The following NBAS variants were observed in gnomAD, a reference collection of about 807,000 sequenced individuals.
NBAS encodes the protein NAG/BC035112 fusion.
In NBAS, 219 loss-of-function variants were observed where a neutral mutation model predicts 302.5. The ratio of observed to expected loss-of-function variants is 0.72; its 90% CI spans 0.65 to 0.81. The LOEUF (loss-of-function observed/expected upper bound fraction) is 0.81, where lower values mean the gene tolerates loss of function less well. NBAS is among the 30% of genes least tolerant of loss of function. The pLI, the probability that NBAS is intolerant of heterozygous loss-of-function variation, is 0.00. For synonymous variants in NBAS, 1,118 were observed against 1,021.6 expected (o/e 1.09, Z -1.80); for missense variants, 2,932 against 2,841.6 (o/e 1.03, Z -0.72).
At chr2:14,798,649 A>G in the NBAS span, among the ~76,000 whole-genome samples, 4 of 152,078 alleles carry the variant, frequency 2.6e-5, no homozygotes, top group Non-Finnish European at 5.9e-5. Context: ...CGTAGAATTG[A>G]TATTATTTTT....
At position 15,179,375 on chromosome 2, in the gene NBAS, G is replaced by T; in HGVS notation, c.6712-259C>A. On this transcript the variant is annotated intron_variant, in intron 50 of 51. Transcript: ENST00000281513. ...TTTTAATGGCTTTGTAATGCTCATTGTACAGATATAGTGGTATAATTTATT... is the reference window on the plus strand; with the variant it reads ...TTTTAATGGCTTTGTAATGCTCATTTTACAGATATAGTGGTATAATTTATT... 2.4e-5 allele frequency: 11 copies of T among 462,334 alleles called. No individual in the cohort carries two copies. The South Asian group carries it at 2.5e-4, about 11-fold the overall frequency. The allele number at this position is 462,334 out of a possible 1,614,324, so 28.6% of individuals were successfully genotyped here. A position where few individuals can be genotyped will look rare whatever the true frequency, so the allele number is the denominator to read the frequency against.
the NBAS span, among the ~76,000 whole-genome samples, chr2:14,909,289 C>T: frequency 7.0e-6 from 1 of 141,850 alleles, no homozygotes; most frequent in Non-Finnish European, 1.5e-5. Context: ...CACTGCACTC[C>T]GGCCTGGGTG....
intron 23 of NBAS, among the ~76,000 whole-genome samples, chr2:15,423,683 T>C (rs1677316922): frequency 6.6e-6 from 1 of 152,180 alleles, no homozygotes; most frequent in Non-Finnish European, 1.5e-5. Flanking sequence ...AATCATCATC[T>C]GCTAGCTAGA....
At chr2:14,858,206 T>C in the NBAS span, among the ~76,000 whole-genome samples, 4 of 152,150 alleles carry the variant, frequency 2.6e-5, no homozygotes, top group Non-Finnish European at 5.9e-5. Context: ...TTGTACACTG[T>C]TGGTGGGAAT....
the NBAS span, among the ~76,000 whole-genome samples, chr2:15,123,736 A>C: frequency 6.6e-6 from 1 of 152,170 alleles, no homozygotes; most frequent in Non-Finnish European, 1.5e-5. Context: ...CCCTCACCAG[A>C]AGCAGATCCC....
rs752710040 is a variant in NBAS at position 15,328,324 on chromosome 2, A to G, written c.4348-12T>C. ...CCACATTTTTGCCCCTAAAAAGAAA[A>G]AAAGTACAGAACAATGGATAAAAAG... On this transcript the variant is annotated splice_polypyrimidine_tract_variant and intron_variant, in intron 36 of 51. Transcript: ENST00000281513. 5 of 1,597,034 alleles carry G rather than the reference A, an allele frequency of 3.1e-6. No individual in the cohort carries two copies. The highest frequency in any genetic ancestry group is 4.3e-6 in the Non-Finnish European group (5 of 1,164,814).
At chr2:14,952,866 T>C in the NBAS span, among the ~76,000 whole-genome samples, 1 of 152,094 alleles carries the variant, frequency 6.6e-6, no homozygotes, top group African/African-American at 2.4e-5. Flanking sequence ...AGTAAAACAG[T>C]CAAGTAAGCA....
At chr2:15,026,564 G>T in the NBAS span, among the ~76,000 whole-genome samples, 2 of 150,614 alleles carry the variant, frequency 1.3e-5, no homozygotes, top group African/African-American at 4.9e-5. Flanking sequence ...AATCACATTT[G>T]TTGATTTGTG....
chr2:15,506,411 A>G (rs1661852178), intron 10 of NBAS, among the ~76,000 whole-genome samples: 1 of 152,196 alleles, frequency 6.6e-6, no homozygotes, highest in African/African-American at 2.4e-5. Context: ...CTGACTAATA[A>G]CATACGAAGG....
the NBAS span, among the ~76,000 whole-genome samples, chr2:14,945,270 G>A: frequency 6.6e-6 from 1 of 152,146 alleles, no homozygotes; most frequent in Admixed American, 6.5e-5. Context: ...CAAACAGGAG[G>A]CAGCAACCTA....
chr2:15,429,951 G>A (rs1188045743), intron 21 of NBAS, among the ~76,000 whole-genome samples: 4 of 152,124 alleles, frequency 2.6e-5, no homozygotes, highest in African/African-American at 7.2e-5. Flanking sequence ...CAAGGATGAT[G>A]ATGATTACTC....
chr2:15,355,753 C>T (rs900429722), intron 33 of NBAS, among the ~76,000 whole-genome samples: 4 of 152,198 alleles, frequency 2.6e-5, no homozygotes, highest in Non-Finnish European at 5.9e-5. Flanking sequence ...TGCTCCCACT[C>T]TGCCTTCTGC....
intron 21 of NBAS, among the ~76,000 whole-genome samples, chr2:15,443,931 G>A (rs575093393): frequency 3.1e-4 from 47 of 151,990 alleles, no homozygotes; most frequent in Non-Finnish European, 2.5e-4. Context: ...AAATACCTAG[G>A]AATCCAACTT....
the NBAS span, among the ~76,000 whole-genome samples, chr2:14,785,772 T>TA: frequency 1.3e-5 from 2 of 152,214 alleles, no homozygotes; most frequent in African/African-American, 4.8e-5. Context: ...GATATTGGTC[T>TA]AAAATTCTCT....
At chr2:15,384,271 C>A (rs1166954014) in intron 28 of NBAS, among the ~76,000 whole-genome samples, 1 of 152,286 alleles carries the variant, frequency 6.6e-6, no homozygotes, top group East Asian at 1.9e-4. Flanking sequence ...CCCATAGTCA[C>A]AAATTGGTTG....
chr2:15,298,857 A>G (rs1327438587), intron 40 of NBAS, among the ~76,000 whole-genome samples: 1 of 152,194 alleles, frequency 6.6e-6, no homozygotes, highest in Non-Finnish European at 1.5e-5. Context: ...TTCTTGTTTT[A>G]GAGACACGCC....
chr2:15,387,762 G>C (rs144298573), intron 28 of NBAS, among the ~76,000 whole-genome samples: 1,779 of 152,040 alleles, frequency 0.012, 20 homozygotes, highest in Middle Eastern at 0.027. Context: ...CTCCCTAGTA[G>C]CTGGGACTAC....
At chr2:14,973,310 C>G in the NBAS span, among the ~76,000 whole-genome samples, 3 of 152,190 alleles carry the variant, frequency 2.0e-5, no homozygotes, top group Non-Finnish European at 4.4e-5. Context: ...TTGGGTGTGA[C>G]TACTGTTGTG....
the NBAS span, among the ~76,000 whole-genome samples, chr2:14,950,291 C>T: frequency 1.3e-5 from 2 of 152,190 alleles, no homozygotes; most frequent in East Asian, 3.9e-4. Context: ...TGAGTTACTT[C>T]ACTTAGAATA....
Sources: allele counts gnomAD v4.1 joint callset (sites outside exome capture counted in the v4.1 genomes callset), GRCh38; gene constraint gnomAD v4.1.1; transcripts MANE v1.5; gene names NCBI Gene and HGNC (gene_info 2026-07-23, HGNC 2026-07-21).